The following CMTM4 variants were observed in gnomAD, a reference collection of about 807,000 sequenced individuals.
The protein encoded by CMTM4 is CKLF-like MARVEL transmembrane domain-containing protein 4.
CMTM4 carries 8 observed loss-of-function variants against 19.0 expected under a neutral mutation model. That is an observed-to-expected ratio of 0.42 (90% CI 0.25 to 0.76). CMTM4 has a LOEUF of 0.76. Among genes scored for constraint, CMTM4 ranks in the 30% least tolerant of loss-of-function variants. The pLI, the probability that CMTM4 is intolerant of heterozygous loss-of-function variation, is 0.27. For synonymous variants in CMTM4, 106 were observed against 121.1 expected (o/e 0.88, Z 0.82); for missense variants, 228 against 290.2 (o/e 0.79, Z 1.56).
chr16:66,605,188 AGAGCTGG>A, the CMTM4 span: 2 of 399,158 alleles, frequency 5.0e-6, no homozygotes, highest in Non-Finnish European at 8.9e-6. The surrounding 1 kb of genome is among the most constrained non-coding windows in gnomAD (Gnocchi z 4.6). Flanking sequence ...CCGCGAGTCC[AGAGCTGG>A]GGGCCGTGGG....
In CMTM4 at chr16:66,620,107, T is replaced by C. The variant is rs74650968; in HGVS notation, c.*1951A>G. The C allele has an allele frequency of 2.9e-5, 29 of 985,352 alleles. No individual in the cohort carries two copies. Among genetic ancestry groups the C allele is most frequent in the Admixed American group, 6.1e-5 (1 of 16,270 alleles). 61.0% of individuals were successfully genotyped at this position (985,352 alleles called of 1,614,324 possible). Reference sequence around the variant, plus strand: ...AATCTCACTTCAAAGATGGCCTTTTTTGGGGGCCAAGTAACATGATTCCCA... The same window carrying C: ...AATCTCACTTCAAAGATGGCCTTTTCTGGGGGCCAAGTAACATGATTCCCA... On this transcript the variant is annotated 3_prime_UTR_variant, in exon 4 of 4. Coordinates refer to ENST00000394106, the MANE Select transcript of CMTM4 (RefSeq NM_181521.3).
intron 1 of CMTM4, among the ~76,000 whole-genome samples, chr16:66,643,651 CT>C (rs1371994059): frequency 1.3e-5 from 2 of 152,104 alleles, no homozygotes; most frequent in African/African-American, 4.8e-5. Flanking sequence ...CGTTTTCTCC[CT>C]TTTTTGATGG....
At chr16:66,628,136 G>A (rs1026304560) in intron 2 of CMTM4, among the ~76,000 whole-genome samples, 5 of 152,170 alleles carry the variant, frequency 3.3e-5, no homozygotes, top group African/African-American at 4.8e-5. Flanking sequence ...AACATGTCTC[G>A]CCTCCCGCCA....
intron 1 of CMTM4, among the ~76,000 whole-genome samples, chr16:66,665,443 T>C (rs911226539): frequency 6.6e-6 from 1 of 151,964 alleles, no homozygotes; most frequent in East Asian, 1.9e-4. Context: ...GGATAAAATT[T>C]CTTCAAAATT....
At chr16:66,624,361 G>A (rs2015695348) in intron 2 of CMTM4, among the ~76,000 whole-genome samples, 2 of 152,120 alleles carry the variant, frequency 1.3e-5, no homozygotes, top group Non-Finnish European at 2.9e-5. Context: ...ACCTCTATAG[G>A]AAAAAAATTC....
At chr16:66,680,382 G>A (rs2016887025) in intron 1 of CMTM4, among the ~76,000 whole-genome samples, 1 of 151,814 alleles carries the variant, frequency 6.6e-6, no homozygotes, top group Non-Finnish European at 1.5e-5. Flanking sequence ...GGGAGGCTGA[G>A]GCCCGAGAAT....
chr16:66,610,096 T>C, downstream of CMTM4: 1 of 1,494,060 alleles, frequency 6.7e-7, no homozygotes, highest in Non-Finnish European at 9.2e-7. The surrounding 1 kb of genome is among the most constrained non-coding windows in gnomAD (Gnocchi z 4.6). Context: ...GGTGGGATCA[T>C]TTCCTCTCTC....
At chr16:66,664,076 T>C (rs1390348445) in intron 1 of CMTM4, among the ~76,000 whole-genome samples, 2 of 151,728 alleles carry the variant, frequency 1.3e-5, no homozygotes. Context: ...CTACTAAAAA[T>C]ACAAAAATTA....
chr16:66,633,118 A>AAATATATATATATATAAATAT (rs1567408480), intron 2 of CMTM4, among the ~76,000 whole-genome samples: 2 of 76,230 alleles, frequency 2.6e-5, no homozygotes, highest in Admixed American at 2.8e-4. Context: ...TATATATATA[A>AAATATATATATATATAAATAT]ATATATATAT....
intron 1 of CMTM4, among the ~76,000 whole-genome samples, chr16:66,692,476 G>A (rs1003800562): frequency 3.3e-5 from 5 of 152,204 alleles, no homozygotes; most frequent in African/African-American, 1.2e-4. Context: ...AAATGCAGAT[G>A]ACTCAGAAGT....
At chr16:66,688,447 G>C (rs2017075509) in intron 1 of CMTM4, among the ~76,000 whole-genome samples, 1 of 151,982 alleles carries the variant, frequency 6.6e-6, no homozygotes, top group Non-Finnish European at 1.5e-5. Flanking sequence ...CTTGTGGCCT[G>C]AGTGAACAAG....
At position 66,634,371 on chromosome 16, in the gene CMTM4, C is replaced by T. The variant is rs570350411; in HGVS notation, c.363+2034G>A. Among the ~76,000 whole-genome samples, 51 of 151,238 alleles carry T rather than the reference C, an allele frequency of 3.4e-4. No homozygotes were observed. In the South Asian group the frequency reaches 6.9e-3, roughly 20 times the overall value. On this transcript the variant is annotated intron_variant, in intron 2 of 3. Transcript: ENST00000394106. Reference sequence around the variant, plus strand: ...AGGAGAATCGCTTGAACCCGGGAGGCGGAGGTTTCATTGAGCCGAGATCAC... The same window carrying T: ...AGGAGAATCGCTTGAACCCGGGAGGTGGAGGTTTCATTGAGCCGAGATCAC...
intron 1 of CMTM4, among the ~76,000 whole-genome samples, chr16:66,670,401 C>T (rs960568201): frequency 2.7e-5 from 4 of 146,572 alleles, no homozygotes; most frequent in African/African-American, 1.0e-4. Flanking sequence ...CTGCAGCGAG[C>T]CAAGATCCAA....
rs969858258 is a variant in CMTM4 at position 66,686,573 on chromosome 16, T to C, written c.186+9767A>G. 1.7e-4 allele frequency among the ~76,000 whole-genome samples: 24 copies of C among 142,370 alleles called. No individual in the cohort carries two copies. The East Asian group carries it at 4.0e-3, about 23-fold the overall frequency. 93.4% of individuals were successfully genotyped at this position (142,370 alleles called of 152,430 possible). A position where few individuals can be genotyped will look rare whatever the true frequency, so the allele number is the denominator to read the frequency against. ...AAAAAAAAAAAAAAAAAAAAGTTCCTCCAAAGTTGTGGAGAAAGAATTAAT... is the reference window on the plus strand; with the variant it reads ...AAAAAAAAAAAAAAAAAAAAGTTCCCCCAAAGTTGTGGAGAAAGAATTAAT... On this transcript the variant is annotated intron_variant, in intron 1 of 3. Transcript: ENST00000394106.
intron 1 of CMTM4, among the ~76,000 whole-genome samples, chr16:66,693,786 C>T (rs1008272012): frequency 3.3e-5 from 5 of 152,042 alleles, no homozygotes; most frequent in Admixed American, 6.6e-5. Flanking sequence ...ATTGGGAGGC[C>T]GAGGCGGGCA....
intron 1 of CMTM4, among the ~76,000 whole-genome samples, chr16:66,644,968 T>C (rs1346311014): frequency 6.6e-6 from 1 of 152,194 alleles, no homozygotes; most frequent in Non-Finnish European, 1.5e-5. Context: ...CAGCATGGCA[T>C]GCAGACAGTG....
rs1351047611 is a variant in CMTM4 at position 66,696,578 on chromosome 16, G to A, written c.-53C>T. On this transcript the variant is annotated 5_prime_UTR_variant, in exon 1 of 4. Transcript: ENST00000394106. This position sits in a 1 kb window ranked among gnomAD's most constrained non-coding sequence, Gnocchi z 4.3. Reference sequence around the variant, plus strand: ...GCGGCTGGCTCCCGGCGCCAGGAGCGGGCGGACTCAGCGGGGCCGCCGCAT... The same window carrying A: ...GCGGCTGGCTCCCGGCGCCAGGAGCAGGCGGACTCAGCGGGGCCGCCGCAT... 9.1e-7 allele frequency: 1 copy of A among 1,097,140 alleles called. No homozygotes were observed. Among genetic ancestry groups the A allele is most frequent in the African/African-American group, 1.7e-5 (1 of 59,694 alleles). The allele number at this position is 1,097,140 out of a possible 1,614,324, so 68.0% of individuals were successfully genotyped here.
At chr16:66,690,482 T>C (rs2017114533) in intron 1 of CMTM4, among the ~76,000 whole-genome samples, 1 of 152,194 alleles carries the variant, frequency 6.6e-6, no homozygotes, top group Non-Finnish European at 1.5e-5. Context: ...TATATTTGTG[T>C]TGCATATGAT....
intron 2 of CMTM4, among the ~76,000 whole-genome samples, chr16:66,629,640 G>A (rs1402013894): frequency 6.6e-6 from 1 of 152,198 alleles, no homozygotes; most frequent in Admixed American, 6.5e-5. Flanking sequence ...TTTGTGGGAA[G>A]AGGGTGGTAG....
Sources: gnomAD v4.1 joint callset for allele counts (sites outside exome capture counted in the v4.1 genomes callset) on GRCh38, gnomAD v4.1.1 for gene constraint, Gnocchi (gnomAD v3.1) non-coding constraint, MANE v1.5 for transcripts, NCBI Gene and HGNC (gene_info 2026-07-23, HGNC 2026-07-21) for gene names.